Variants in RAB27B observed in about 807,000 individuals in gnomAD.
RAB27B encodes ras-related protein Rab-27B.
A neutral mutation model predicts 24.6 loss-of-function variants in RAB27B; 15 were observed. The observed-to-expected ratio is 0.61, with a 90% CI of 0.41 to 0.94. The LOEUF is 0.94. Among genes scored for constraint, RAB27B ranks in the 40% least tolerant of loss-of-function variants. The probability of loss-of-function intolerance (pLI) is 0.00; values close to 1 mark genes in which losing one functional copy is unlikely to be tolerated. For synonymous variants in RAB27B, 105 were observed against 92.5 expected (o/e 1.14, Z -0.78); for missense variants, 261 against 266.8 (o/e 0.98, Z 0.15).
At position 54,888,113 on chromosome 18, in the gene RAB27B, A is replaced by T. The variant is rs763749981; in HGVS notation, c.462A>T (p.Lys154Asn). The change falls in exon 5 of 6, where the codon AAA (lysine) becomes AAT (asparagine). Residue 154 changes from lysine to asparagine, a missense_variant. Lys to Asn is a moderately conservative substitution (Grantham distance 94, BLOSUM62 0). Coordinates refer to ENST00000262094, the MANE Select transcript of RAB27B (RefSeq NM_004163.4). Reference protein sequence around the residue: ...NERQARELADKYGIPYFETSA... With the variant: ...NERQARELADNYGIPYFETSA... ...GGCAAGCTCGGGAACTGGCTGACAA[A>T]TATGGGTAAGTCAGTTACACTGAGA... 2 of 1,612,808 alleles carry T rather than the reference A, an allele frequency of 1.2e-6. No individual in the cohort carries two copies. The highest frequency in any genetic ancestry group is 2.2e-5 in the South Asian group (2 of 90,882).
chr18:54,822,213 G>C (rs2052326), intron 2 of RAB27B, among the ~76,000 whole-genome samples: 110,060 of 152,064 alleles, frequency 0.72, 40,167 homozygotes, highest in Middle Eastern at 0.85. Flanking sequence ...TTTGATAAAA[G>C]TGTACTTTGA....
chr18:54,863,835 T>C (rs1391733830), intron 1 of RAB27B, among the ~76,000 whole-genome samples: 2 of 152,260 alleles, frequency 1.3e-5, no homozygotes, highest in African/African-American at 2.4e-5. Flanking sequence ...TATTGTTGTA[T>C]GTATAAGCAC....
intron 3 of RAB27B, chr18:54,880,160 G>T (rs1598990132): frequency 6.6e-6 from 1 of 152,150 alleles, no homozygotes. Context: ...GATTCACTTG[G>T]GGCCTTCTCA....
chr18:54,734,223 G>A (rs552927244), intron 2 of RAB27B, among the ~76,000 whole-genome samples: 9 of 152,192 alleles, frequency 5.9e-5, no homozygotes, highest in East Asian at 1.9e-4. Flanking sequence ...TGTGTAATAC[G>A]TCTGCTAGTG....
At position 54,868,522 on chromosome 18, in the gene RAB27B, T is replaced by G. The variant is rs116142610; in HGVS notation, c.-19-9045T>G. Among the ~76,000 whole-genome samples the G allele has an allele frequency of 5.2e-3, 798 of 152,324 alleles. 7 individuals carry two copies. Among genetic ancestry groups the G allele is most frequent in the African/African-American group, 0.018 (750 of 41,572 alleles). ...GGCCTAGTACACCTAGCCCTCAGCA[T>G]AACCTTGGGCACACTTTGGCATTGC... is the stretch of plus-strand genomic sequence containing the variant. On this transcript the variant is annotated intron_variant, in intron 1 of 5. Coordinates refer to ENST00000262094, the MANE Select transcript of RAB27B (RefSeq NM_004163.4).
Position 54,892,890 on chromosome 18 carries a change from C to G in RAB27B, c.*3477C>G, listed in dbSNP as rs1313420280. The G allele has an allele frequency of 6.6e-6, 1 of 152,034 alleles. No individual in the cohort carries two copies. Among genetic ancestry groups the G allele is most frequent in the Non-Finnish European group, 1.5e-5 (1 of 67,942 alleles). 9.4% of individuals were successfully genotyped at this position (152,034 alleles called of 1,614,324 possible). ...AGATGAACCAGGCGAGAGTTTTAATCAGCCTTTTCTTGTCCCCTTTGTAAG... is the reference window on the plus strand; with the variant it reads ...AGATGAACCAGGCGAGAGTTTTAATGAGCCTTTTCTTGTCCCCTTTGTAAG... On this transcript the variant is annotated 3_prime_UTR_variant, in exon 6 of 6. Coordinates refer to ENST00000262094, the MANE Select transcript of RAB27B (RefSeq NM_004163.4).
intron 1 of RAB27B, among the ~76,000 whole-genome samples, chr18:54,853,449 A>C (rs2014436): frequency 0.9 from 137,398 of 152,058 alleles, 63,728 homozygotes; most frequent in East Asian, 1. Context: ...ATATATATAT[A>C]TCCATGAAAC....
chr18:54,776,298 C>T (rs1415484913), intron 2 of RAB27B, among the ~76,000 whole-genome samples: 1 of 152,210 alleles, frequency 6.6e-6, no homozygotes, highest in African/African-American at 2.4e-5. Context: ...GTAAACCAAA[C>T]CTTTTCTGAG....
intron 2 of RAB27B, among the ~76,000 whole-genome samples, chr18:54,795,929 T>C (rs1395441776): frequency 6.6e-6 from 1 of 152,172 alleles, no homozygotes; most frequent in Non-Finnish European, 1.5e-5. Flanking sequence ...GCTGCACATA[T>C]TTAGTGTACC....
At chr18:54,839,568 A>G (rs1198320606) in intron 1 of RAB27B, among the ~76,000 whole-genome samples, 1 of 152,172 alleles carries the variant, frequency 6.6e-6, no homozygotes, top group Non-Finnish European at 1.5e-5. Flanking sequence ...TCTCCAAACC[A>G]CAGGGTCCCA....
intron 2 of RAB27B, among the ~76,000 whole-genome samples, chr18:54,773,271 T>C (rs1267252203): frequency 1.3e-5 from 2 of 152,214 alleles, no homozygotes; most frequent in Non-Finnish European, 1.5e-5. Flanking sequence ...GGGATGCCCA[T>C]TCTCTTCAAA....
At chr18:54,779,275 A>T (rs1908815971) in intron 2 of RAB27B, among the ~76,000 whole-genome samples, 1 of 152,262 alleles carries the variant, frequency 6.6e-6, no homozygotes, top group South Asian at 2.1e-4. Flanking sequence ...AGAATCAACC[A>T]GAGAGCTTAT....
chr18:54,797,628 A>C (rs549159520), intron 2 of RAB27B, among the ~76,000 whole-genome samples: 1 of 152,212 alleles, frequency 6.6e-6, no homozygotes, highest in Non-Finnish European at 1.5e-5. Flanking sequence ...ATAAACATCT[A>C]TCTGTCTTTA....
rs529411557 is a variant in RAB27B, at chr18:54,821,543, C to A, written c.-19-56024C>A. 4.6e-5 allele frequency among the ~76,000 whole-genome samples: 7 copies of A among 152,186 alleles called. No individual in the cohort carries two copies. The South Asian group carries it at 1.5e-3, about 32-fold the overall frequency. On this transcript the variant is annotated intron_variant, in intron 2 of 4. Coordinates refer to the RAB27B transcript ENST00000586570. ...GCTACCAATGACTTTCTTCACAGAA[C>A]TGGAAAAAACTATTTTAAAGTTCAT...
Position 54,892,945 on chromosome 18 carries a change from G to A in RAB27B, c.*3532G>A, listed in dbSNP as rs1913426752. ...AGATGCTTGCCATAGAGAAGGACAT[G>A]AGTACATTAAAAATAATTTAATAGC... is the stretch of plus-strand genomic sequence containing the variant. On this transcript the variant is annotated 3_prime_UTR_variant, in exon 6 of 6. Transcript: ENST00000262094. 1 of 152,002 alleles carries A rather than the reference G, an allele frequency of 6.6e-6. No homozygotes were observed. Among genetic ancestry groups the A allele is most frequent in the Admixed American group, 6.6e-5 (1 of 15,218 alleles). 9.4% of individuals were successfully genotyped at this position (152,002 alleles called of 1,614,324 possible).
chr18:54,829,239 C>CT (rs1435322279), intron 1 of RAB27B, among the ~76,000 whole-genome samples: 5 of 152,002 alleles, frequency 3.3e-5, no homozygotes, highest in Non-Finnish European at 1.5e-5. Flanking sequence ...AGTGTTGCAC[C>CT]AACTAGGGTA....
intron 2 of RAB27B, among the ~76,000 whole-genome samples, chr18:54,732,970 A>G (rs1009180663): frequency 6.6e-6 from 1 of 152,146 alleles, no homozygotes; most frequent in Non-Finnish European, 1.5e-5. Flanking sequence ...CCTTATTTTC[A>G]TGCTTTAGAT....
chr18:54,725,729 C>T (rs1033269559), intron 2 of RAB27B, among the ~76,000 whole-genome samples: 12 of 151,396 alleles, frequency 7.9e-5, no homozygotes, highest in Middle Eastern at 3.4e-3. Flanking sequence ...CTCACTATCA[C>T]GAGAATAGGA....
Position 54,894,433 on chromosome 18 carries a change from C to G in RAB27B, c.*5020C>G, listed in dbSNP as rs1913490294. ...ACCTTAACTTAATGGATCCCTTATT[C>G]AATCAGTGGCTTCTGTCTTTATGTC... is the stretch of plus-strand genomic sequence containing the variant. On this transcript the variant is annotated 3_prime_UTR_variant, in exon 6 of 6. Transcript: ENST00000262094. The G allele has an allele frequency of 6.6e-6, 1 of 152,018 alleles. No homozygotes were observed. The highest frequency in any genetic ancestry group is 1.5e-5 in the Non-Finnish European group (1 of 67,954). The allele number at this position is 152,018 out of a possible 1,614,324, so 9.4% of individuals were successfully genotyped here. A position where few individuals can be genotyped will look rare whatever the true frequency, so the allele number is the denominator to read the frequency against.
Sources: gnomAD v4.1 joint callset for allele counts (sites outside exome capture counted in the v4.1 genomes callset) on GRCh38, gnomAD v4.1.1 for gene constraint, MANE v1.5 for transcripts, NCBI Gene and HGNC (gene_info 2026-07-23, HGNC 2026-07-21) for gene names.